Variants in CLYBL observed in about 807,000 individuals in gnomAD.
The protein encoded by CLYBL is citramalyl-CoA lyase, also known as citramalyl-CoA lyase, mitochondrial.
In CLYBL, 31 loss-of-function variants were observed where a neutral mutation model predicts 38.9. The ratio of observed to expected loss-of-function variants is 0.80; its 90% CI spans 0.60 to 1.08. CLYBL has a LOEUF of 1.08. Ranked by LOEUF, CLYBL falls within the 50% of genes least tolerant of loss-of-function variation. The pLI is 0.00. For missense variants in CLYBL, 434 were observed against 411.6 expected, an observed-to-expected ratio of 1.05 and a Z score of -0.47; for synonymous variants, 171 against 158.6, an observed-to-expected ratio of 1.08 and a Z score of -0.59.
At chr13:99,651,383 A>G (rs1328373667) in intron 1 of CLYBL, among the ~76,000 whole-genome samples, 1 of 152,100 alleles carries the variant, frequency 6.6e-6, no homozygotes, top group Admixed American at 6.6e-5. Flanking sequence ...TAGACTGGCC[A>G]ACATGGCTAA....
chr13:99,732,169 GTTTTTTTT>G (rs35027014), intron 1 of CLYBL, among the ~76,000 whole-genome samples: 45 of 90,766 alleles, frequency 5.0e-4, no homozygotes, highest in Middle Eastern at 9.3e-3. Flanking sequence ...TTATATGGCA[GTTTTTTTT>G]TTTTTTTTTT....
chr13:99,785,847 C>T (rs903361478), intron 2 of CLYBL, among the ~76,000 whole-genome samples: 1 of 152,066 alleles, frequency 6.6e-6, no homozygotes, highest in African/African-American at 2.4e-5. Flanking sequence ...CTACCCACCT[C>T]GGCCTCCCAA....
chr13:99,639,252 G>C (rs2139261718), intron 1 of CLYBL, among the ~76,000 whole-genome samples: 1 of 152,358 alleles, frequency 6.6e-6, no homozygotes, highest in East Asian at 1.9e-4. Flanking sequence ...AGGACGTCCA[G>C]GCAAGCCGGG....
intron 1 of CLYBL, among the ~76,000 whole-genome samples, chr13:99,662,363 C>T (rs1335785445): frequency 6.6e-6 from 1 of 152,120 alleles, no homozygotes; most frequent in Non-Finnish European, 1.5e-5. Flanking sequence ...TCTCTTGAGC[C>T]AAAATAGATT....
Position 99,675,354 on chromosome 13 carries a change from G to C in CLYBL, c.62+68597G>C, listed in dbSNP as rs575474312. 2.4e-4 allele frequency among the ~76,000 whole-genome samples: 28 copies of C among 115,908 alleles called. 1 individual carries two copies. The highest frequency in any genetic ancestry group is 2.1e-3 in the Admixed American group (24 of 11,696). 76.0% of individuals were successfully genotyped at this position (115,908 alleles called of 152,430 possible). A position where few individuals can be genotyped will look rare whatever the true frequency, so the allele number is the denominator to read the frequency against. ...TTTATGTGTCTATATCAGCTTTATT[G>C]AGATATAATTTACATCTCATACAGT... On this transcript the variant is annotated intron_variant, in intron 1 of 8. Coordinates refer to ENST00000339105, the MANE Select transcript of CLYBL (RefSeq NM_206808.5).
At chr13:99,787,745 T>C (rs772000406) in intron 2 of CLYBL, among the ~76,000 whole-genome samples, 2 of 152,312 alleles carry the variant, frequency 1.3e-5, no homozygotes, top group African/African-American at 2.4e-5. Context: ...AGAAAGTCAT[T>C]GGTAGCTTGA....
chr13:99,606,803 C>A, intron 1 of CLYBL, 46 bp downstream of exon 1: 1 of 1,344,204 alleles, frequency 7.4e-7, no homozygotes, highest in Non-Finnish European at 9.5e-7. Flanking sequence ...CGGCTCGCCG[C>A]GGGTCGGCTC....
intron 1 of CLYBL, among the ~76,000 whole-genome samples, chr13:99,715,531 T>C (rs1383005840): frequency 6.6e-6 from 1 of 151,792 alleles, no homozygotes; most frequent in East Asian, 1.9e-4. Flanking sequence ...GCCTCCCAAG[T>C]AGCTGGGACT....
At chr13:99,692,306 T>G (rs574976605) in intron 1 of CLYBL, among the ~76,000 whole-genome samples, 44 of 151,938 alleles carry the variant, frequency 2.9e-4, no homozygotes, top group Non-Finnish European at 5.7e-4. Context: ...TTTTGTTTGT[T>G]TTTTTGAGAC....
At chr13:99,680,125 T>TG (rs1419279827) in intron 1 of CLYBL, among the ~76,000 whole-genome samples, 1 of 152,162 alleles carries the variant, frequency 6.6e-6, no homozygotes, top group Non-Finnish European at 1.5e-5. Flanking sequence ...TACTAATTAA[T>TG]GGGGGAATTT....
chr13:99,685,657 T>G (rs922653051), intron 1 of CLYBL, among the ~76,000 whole-genome samples: 15 of 152,150 alleles, frequency 9.9e-5, no homozygotes, highest in African/African-American at 3.6e-4. Context: ...TGCTGAGTCC[T>G]TCTCTCTCAA....
chr13:99,692,667 A>G (rs1460995561), intron 1 of CLYBL, among the ~76,000 whole-genome samples: 2 of 152,126 alleles, frequency 1.3e-5, no homozygotes, highest in African/African-American at 2.4e-5. Context: ...GATCATCACT[A>G]TCTAATTCTA....
rs185857176 is a variant in CLYBL at position 99,883,232 on chromosome 13, C to T, written c.928-8086C>T. ...GAAAAGTCAAGCAGCTAATAAATAG[C>T]AGAACCGACCGGGCGCAGTGGCTTA... On this transcript the variant is annotated intron_variant, in intron 7 of 8. Coordinates refer to ENST00000339105, the MANE Select transcript of CLYBL (RefSeq NM_206808.5). 2.1e-3 allele frequency among the ~76,000 whole-genome samples: 317 copies of T among 152,160 alleles called. 2 individuals are homozygous for T. Among genetic ancestry groups the T allele is most frequent in the African/African-American group, 7.4e-3 (307 of 41,528 alleles).
downstream of CLYBL, chr13:99,896,352 A>T (rs1228119010): frequency 1.3e-5 from 2 of 152,148 alleles, no homozygotes; most frequent in African/African-American, 4.8e-5. Flanking sequence ...GTTACACTGT[A>T]ACAATAACGT....
At chr13:99,775,423 A>G (rs2138807927) in intron 2 of CLYBL, among the ~76,000 whole-genome samples, 1 of 152,314 alleles carries the variant, frequency 6.6e-6, no homozygotes, top group Admixed American at 6.5e-5. Context: ...TCGAGTCTTT[A>G]CTAGGACATT....
intron 2 of CLYBL, among the ~76,000 whole-genome samples, chr13:99,847,751 G>A (rs184889586): frequency 5.9e-5 from 9 of 152,344 alleles, no homozygotes; most frequent in East Asian, 5.8e-4. Context: ...TCTTGGGCAG[G>A]TGGAGTGAGC....
At chr13:99,836,878 C>T (rs553933335) in intron 2 of CLYBL, among the ~76,000 whole-genome samples, 3 of 148,286 alleles carry the variant, frequency 2.0e-5, no homozygotes, top group South Asian at 4.6e-4. Context: ...CATCACACAC[C>T]GGGGACTGTT....
chr13:99,909,027 T>A (rs925261511), exon 10 of CLYBL, among the ~76,000 whole-genome samples: 1 of 152,190 alleles, frequency 6.6e-6, no homozygotes, highest in African/African-American at 2.4e-5. Flanking sequence ...ATCATAGCAC[T>A]AACATTCAGT....
chr13:99,687,974 G>A (rs574721016), intron 1 of CLYBL, among the ~76,000 whole-genome samples: 1 of 152,202 alleles, frequency 6.6e-6, no homozygotes, highest in Non-Finnish European at 1.5e-5. Context: ...GGAGGAATGG[G>A]CCCAGATGGC....
Sources: allele counts gnomAD v4.1 joint callset (sites outside exome capture counted in the v4.1 genomes callset), GRCh38; gene constraint gnomAD v4.1.1; transcripts MANE v1.5; gene names NCBI Gene and HGNC (gene_info 2026-07-23, HGNC 2026-07-21).